The following FMN1 variants were observed in gnomAD, a reference collection of about 807,000 sequenced individuals.
The protein encoded by FMN1 is formin 1.
A neutral mutation model predicts 132.4 loss-of-function variants in FMN1; 110 were observed. That is an observed-to-expected ratio of 0.83 (90% CI 0.71 to 0.97). The LOEUF (loss-of-function observed/expected upper bound fraction) is 0.97, where lower values mean the gene tolerates loss of function less well. Ranked by LOEUF, FMN1 falls within the 50% of genes least tolerant of loss-of-function variation. The pLI is 0.00. For missense variants in FMN1, 1,792 were observed against 1,705.3 expected (o/e 1.05, Z -0.90); for synonymous variants, 722 against 651.7 (o/e 1.11, Z -1.64).
chr15:32,955,951 G>T (rs1414550929), intron 9 of FMN1, among the ~76,000 whole-genome samples: 1 of 152,082 alleles, frequency 6.6e-6, no homozygotes, highest in East Asian at 1.9e-4. Context: ...TGGAACCATG[G>T]CTACTAATGA....
At chr15:33,184,130 T>C (rs898463459) in intron 2 of FMN1, among the ~76,000 whole-genome samples, 18 of 152,236 alleles carry the variant, frequency 1.2e-4, no homozygotes, top group African/African-American at 3.9e-4. Context: ...TCTCTATTCA[T>C]TTTTATAAAA....
chr15:32,926,784 T>G (rs1020976253), intron 9 of FMN1, among the ~76,000 whole-genome samples: 12 of 152,204 alleles, frequency 7.9e-5, no homozygotes, highest in Admixed American at 4.6e-4. Context: ...CTGACTATAT[T>G]TAGTCTATAT....
chr15:33,149,192 G>C (rs1166862530), intron 4 of FMN1, among the ~76,000 whole-genome samples: 1 of 151,900 alleles, frequency 6.6e-6, no homozygotes, highest in Non-Finnish European at 1.5e-5. Context: ...CCCTCAATAA[G>C]GAATGTTAAC....
intron 6 of FMN1, among the ~76,000 whole-genome samples, chr15:33,061,724 A>AT (rs1465530073): frequency 3.3e-5 from 5 of 152,176 alleles, no homozygotes; most frequent in Non-Finnish European, 7.4e-5. Context: ...ATATACAAAC[A>AT]TATCAAAGAC....
At chr15:32,896,455 A>G (rs560051112) in intron 15 of FMN1, among the ~76,000 whole-genome samples, 67 of 152,270 alleles carry the variant, frequency 4.4e-4, no homozygotes, top group African/African-American at 1.4e-3. Context: ...CTATAACATG[A>G]TATCTGTTCT....
intron 17 of FMN1, among the ~76,000 whole-genome samples, chr15:32,836,646 A>C (rs1441345300): frequency 6.6e-6 from 1 of 152,232 alleles, no homozygotes; most frequent in Non-Finnish European, 1.5e-5. Context: ...TTTGGTGAAG[A>C]ACAAGAGGAT....
At chr15:32,779,267 C>G (rs1052441422) in intron 19 of FMN1, among the ~76,000 whole-genome samples, 1 of 149,776 alleles carries the variant, frequency 6.7e-6, no homozygotes, top group South Asian at 2.1e-4. Flanking sequence ...TGAAGTGATA[C>G]TAATGTGTAT....
intron 14 of FMN1, among the ~76,000 whole-genome samples, chr15:32,899,450 C>A (rs1057216593): frequency 6.6e-6 from 1 of 152,182 alleles, no homozygotes; most frequent in Non-Finnish European, 1.5e-5. Context: ...ACCCCCCTGC[C>A]CCCCATGGGA....
intron 19 of FMN1, among the ~76,000 whole-genome samples, chr15:32,798,231 A>G (rs991132470): frequency 2.7e-5 from 4 of 150,206 alleles, no homozygotes; most frequent in Non-Finnish European, 5.9e-5. Context: ...GTCTATATTC[A>G]GAGTTGAGGT....
rs1962936905 is a variant in FMN1 at position 33,125,196 on chromosome 15, C to CAA, written c.1867+27851_1867+27852insTT. ...CATCACTTACTGTGAATCACTTACT[C>CAA]AGCTTAAGAAGGTCACCTAATTTTT... On this transcript the variant is annotated intron_variant, in intron 4 of 20. Coordinates refer to ENST00000616417, the MANE Select transcript of FMN1 (RefSeq NM_001277313.2). Among the ~76,000 whole-genome samples, 6 of 151,510 alleles carry CAA rather than the reference C, an allele frequency of 4.0e-5. No homozygotes were observed. The South Asian group carries it at 1.3e-3, about 32-fold the overall frequency.
In FMN1 at chr15:32,876,200, C is replaced by G. The variant is rs544020560; in HGVS notation, c.3835+11972G>C. On this transcript the variant is annotated intron_variant, in intron 16 of 20. Transcript: ENST00000616417. ...CAAAAGCACTTGTGTTGTTTCTAAACCTGTTTATTCCTGTTGTTCTTTTTA... is the reference window on the plus strand; with the variant it reads ...CAAAAGCACTTGTGTTGTTTCTAAAGCTGTTTATTCCTGTTGTTCTTTTTA... 3.3e-5 allele frequency among the ~76,000 whole-genome samples: 5 copies of G among 152,280 alleles called. No individual in the cohort carries two copies. In the East Asian group the frequency reaches 9.6e-4, roughly 29 times the overall value.
In FMN1 at chr15:32,980,819, C is replaced by T. The variant is rs1463204732; in HGVS notation, c.2224-11342G>A. On this transcript the variant is annotated intron_variant, in intron 7 of 20. Transcript: ENST00000616417. ...TCTGAGGTTAGGAGTTCAAGATCAG[C>T]CTGGCCAATGGCAAAACCCCATCTC... Among the ~76,000 whole-genome samples the T allele has an allele frequency of 2.6e-5, 4 of 152,086 alleles. No individual in the cohort carries two copies. The East Asian group carries it at 7.7e-4, about 29-fold the overall frequency.
intron 15 of FMN1, among the ~76,000 whole-genome samples, chr15:32,889,128 A>T (rs1263635920): frequency 1.3e-5 from 2 of 152,146 alleles, no homozygotes; most frequent in Non-Finnish European, 2.9e-5. Flanking sequence ...AATTCTTCAT[A>T]TATTTGAAAA....
chr15:32,901,550 T>C (rs2060296782), intron 13 of FMN1, among the ~76,000 whole-genome samples: 2 of 152,234 alleles, frequency 1.3e-5, no homozygotes, highest in African/African-American at 4.8e-5. Context: ...TGATCAAATG[T>C]ATGGATCTCA....
chr15:32,797,211 T>C (rs1020411162), intron 19 of FMN1, among the ~76,000 whole-genome samples: 2 of 152,258 alleles, frequency 1.3e-5, no homozygotes, highest in Non-Finnish European at 2.9e-5. Context: ...CAACAGAAGA[T>C]CATTAACATA....
At chr15:32,835,157 C>A (rs111801883) in intron 17 of FMN1, among the ~76,000 whole-genome samples, 2 of 152,156 alleles carry the variant, frequency 1.3e-5, no homozygotes, top group African/African-American at 4.8e-5. Flanking sequence ...GAGGAGAGGG[C>A]AGGACACAGG....
At chr15:33,180,744 CTTTT>C (rs35033683) in intron 2 of FMN1, among the ~76,000 whole-genome samples, 5 of 108,246 alleles carry the variant, frequency 4.6e-5, no homozygotes, top group African/African-American at 1.4e-4. Flanking sequence ...CTCCTGCTGC[CTTTT>C]TTTTTTTTTT....
chr15:32,945,366 A>G (rs1203122125), intron 9 of FMN1, among the ~76,000 whole-genome samples: 2 of 152,150 alleles, frequency 1.3e-5, no homozygotes, highest in African/African-American at 2.4e-5. Flanking sequence ...TTCTCATAGA[A>G]AGCCAATCCC....
At chr15:33,001,884 A>G (rs1461478613) in intron 7 of FMN1, among the ~76,000 whole-genome samples, 2 of 152,020 alleles carry the variant, frequency 1.3e-5, no homozygotes, top group Non-Finnish European at 1.5e-5. Context: ...CAGAGCACAC[A>G]TGGAATAAAA....
Sources: gnomAD v4.1 joint callset for allele counts (sites outside exome capture counted in the v4.1 genomes callset) on GRCh38, gnomAD v4.1.1 for gene constraint, MANE v1.5 for transcripts, NCBI Gene and HGNC (gene_info 2026-07-23, HGNC 2026-07-21) for gene names.